DPH6: variants seen among roughly 807,000 people sequenced by gnomAD.
DPH6 encodes the protein diphthine--ammonia ligase.
DPH6 carries 33 observed loss-of-function variants against 38.2 expected under a neutral mutation model. The ratio of observed to expected loss-of-function variants is 0.86; its 90% CI spans 0.65 to 1.15. DPH6 has a LOEUF of 1.15. Among genes scored for constraint, DPH6 ranks in the 50% most tolerant of loss-of-function variants. The pLI, the probability that DPH6 is intolerant of heterozygous loss-of-function variation, is 0.00. For missense variants in DPH6, 325 were observed against 320.0 expected (o/e 1.02, Z -0.12); for synonymous variants, 108 against 103.0 (o/e 1.05, Z -0.30).
At chr15:35,500,529 C>T (rs916171602) in intron 3 of DPH6, among the ~76,000 whole-genome samples, 3 of 152,120 alleles carry the variant, frequency 2.0e-5, no homozygotes, top group Non-Finnish European at 4.4e-5. Flanking sequence ...AATAACACAA[C>T]CTATTTTTCT....
chr15:35,486,527 A>G (rs2054400329), intron 3 of DPH6, among the ~76,000 whole-genome samples: 1 of 151,884 alleles, frequency 6.6e-6, no homozygotes, highest in South Asian at 2.1e-4. Flanking sequence ...AAATCATCAG[A>G]TCTCAAGAGA....
intron 3 of DPH6, among the ~76,000 whole-genome samples, chr15:35,517,745 C>G (rs2054866616): frequency 6.6e-6 from 1 of 151,962 alleles, no homozygotes; most frequent in South Asian, 2.1e-4. Context: ...AGAAAAACAA[C>G]AATTTACTGA....
chr15:35,533,574 T>C (rs1430839670), intron 3 of DPH6, among the ~76,000 whole-genome samples: 1 of 152,006 alleles, frequency 6.6e-6, no homozygotes, highest in Non-Finnish European at 1.5e-5. Flanking sequence ...TGACTTTGAT[T>C]ATAAAATTTG....
At chr15:35,528,224 C>T (rs922725180) in intron 3 of DPH6, among the ~76,000 whole-genome samples, 1 of 152,070 alleles carries the variant, frequency 6.6e-6, no homozygotes, top group African/African-American at 2.4e-5. Flanking sequence ...GTTGATACAA[C>T]CAAGACCAAA....
At chr15:35,292,391 T>C (rs2051985982) in intron 3 of DPH6, among the ~76,000 whole-genome samples, 1 of 152,154 alleles carries the variant, frequency 6.6e-6, no homozygotes, top group Admixed American at 6.5e-5. Flanking sequence ...CTGAAAGATA[T>C]CTAGCTTAAC....
chr15:35,484,220 G>A (rs1180424447), intron 3 of DPH6, among the ~76,000 whole-genome samples: 1 of 152,224 alleles, frequency 6.6e-6, no homozygotes, highest in South Asian at 2.1e-4. Context: ...GATGGAACAA[G>A]TTTAGCAATA....
In DPH6 at chr15:35,403,439, A is replaced by G. The variant is rs534624355; in HGVS notation, c.567+7396T>C. On this transcript the variant is annotated intron_variant, in intron 6 of 8. Transcript: ENST00000256538. Reference sequence around the variant, plus strand: ...ATTACACTTTTTTAGTTATTTAAAAATGTAAAATTAAATTATTATTGACTA... The same window carrying G: ...ATTACACTTTTTTAGTTATTTAAAAGTGTAAAATTAAATTATTATTGACTA... Among the ~76,000 whole-genome samples, 7 of 152,244 alleles carry G rather than the reference A, an allele frequency of 4.6e-5. No individual in the cohort carries two copies. The East Asian group carries it at 1.2e-3, about 25-fold the overall frequency.
intron 3 of DPH6, among the ~76,000 whole-genome samples, chr15:35,496,289 T>TAACG (rs975298925): frequency 1.3e-5 from 2 of 151,912 alleles, no homozygotes; most frequent in African/African-American, 4.8e-5. Flanking sequence ...GCACAGTGAC[T>TAACG]AACGCCTATA....
intron 3 of DPH6, among the ~76,000 whole-genome samples, chr15:35,360,507 A>G (rs1268332286): frequency 2.0e-5 from 3 of 152,210 alleles, no homozygotes; most frequent in Non-Finnish European, 4.4e-5. Context: ...GGGCTGCTTC[A>G]GCACTGAGGT....
intron 7 of DPH6, among the ~76,000 whole-genome samples, chr15:35,379,326 G>T (rs2052831133): frequency 6.6e-6 from 1 of 151,996 alleles, no homozygotes. Flanking sequence ...AATGTCATTT[G>T]AATCAGACGT....
intron 3 of DPH6, among the ~76,000 whole-genome samples, chr15:35,334,453 T>C (rs1376303410): frequency 6.6e-6 from 1 of 152,080 alleles, no homozygotes; most frequent in Non-Finnish European, 1.5e-5. Flanking sequence ...GTTTGTAACA[T>C]AGGTAAATGT....
At chr15:35,409,607 T>G (rs1265174590) in intron 6 of DPH6, among the ~76,000 whole-genome samples, 1 of 151,942 alleles carries the variant, frequency 6.6e-6, no homozygotes. Flanking sequence ...AATGCCACAG[T>G]CTCTCACTTC....
At chr15:35,272,453 T>G (rs1008491285) in intron 3 of DPH6, among the ~76,000 whole-genome samples, 3 of 152,174 alleles carry the variant, frequency 2.0e-5, no homozygotes, top group Non-Finnish European at 4.4e-5. Context: ...GTTTGGATGT[T>G]TGTGCCTTGA....
chr15:35,299,487 G>A (rs2052039515), intron 3 of DPH6: 1 of 747,924 alleles, frequency 1.3e-6, no homozygotes, highest in Non-Finnish European at 2.5e-6. Flanking sequence ...CTGCCCATGG[G>A]CCGCGGTGGC....
chr15:35,358,920 AGTG>A (rs1342310036), intron 3 of DPH6, among the ~76,000 whole-genome samples: 2 of 152,182 alleles, frequency 1.3e-5, no homozygotes, highest in East Asian at 3.9e-4. Context: ...AGGAGGAACT[AGTG>A]GTGGGTAGGG....
intron 3 of DPH6, among the ~76,000 whole-genome samples, chr15:35,315,657 C>G (rs1363837499): frequency 6.6e-6 from 1 of 152,116 alleles, no homozygotes; most frequent in African/African-American, 2.4e-5. Context: ...AAAAATAGAA[C>G]TACCATATGA....
chr15:35,217,799 G>A (rs2051418848), exon 4 of DPH6: 1 of 152,154 alleles, frequency 6.6e-6, no homozygotes, highest in Non-Finnish European at 1.5e-5. Flanking sequence ...ATATTGCAAA[G>A]GGATATACAG....
the DPH6 span, among the ~76,000 whole-genome samples, chr15:35,175,089 T>C: frequency 1.3e-5 from 2 of 152,218 alleles, no homozygotes; most frequent in African/African-American, 2.4e-5. Flanking sequence ...TAGTGACTTA[T>C]ACTTTCCTCT....
chr15:35,221,305 G>A (rs948150111), intron 3 of DPH6, among the ~76,000 whole-genome samples: 1 of 152,134 alleles, frequency 6.6e-6, no homozygotes, highest in African/African-American at 2.4e-5. Flanking sequence ...GGGTCTTAGG[G>A]GTGGCCCTAT....
Sources: gnomAD v4.1 joint callset for allele counts (sites outside exome capture counted in the v4.1 genomes callset) on GRCh38, gnomAD v4.1.1 for gene constraint, MANE v1.5 for transcripts, NCBI Gene and HGNC (gene_info 2026-07-23, HGNC 2026-07-21) for gene names.